The following GPC5 variants were observed in gnomAD, a reference collection of about 807,000 sequenced individuals.
The protein encoded by GPC5 is glypican-5.
In GPC5, 47 loss-of-function variants were observed where a neutral mutation model predicts 53.9. The observed-to-expected ratio is 0.87, with a 90% CI of 0.69 to 1.11. GPC5 has a LOEUF of 1.11. Among genes scored for constraint, GPC5 ranks in the 50% most tolerant of loss-of-function variants. The pLI, the probability that GPC5 is intolerant of heterozygous loss-of-function variation, is 0.00. For synonymous variants in GPC5, 286 were observed against 263.3 expected (o/e 1.09, Z -0.84); for missense variants, 748 against 713.1 (o/e 1.05, Z -0.56).
At chr13:91,563,676 A>G (rs1020641523) in intron 2 of GPC5, among the ~76,000 whole-genome samples, 35 of 152,150 alleles carry the variant, frequency 2.3e-4, no homozygotes, top group African/African-American at 8.4e-4. Context: ...TTTGATATCT[A>G]CATGTGAAAT....
At chr13:92,228,241 A>G (rs1255195040) in intron 7 of GPC5, among the ~76,000 whole-genome samples, 1 of 151,928 alleles carries the variant, frequency 6.6e-6, no homozygotes, top group African/African-American at 2.4e-5. Context: ...CGTGTTGTTC[A>G]CGAGCCAGCT....
intron 5 of GPC5, among the ~76,000 whole-genome samples, chr13:91,864,901 CTTT>C (rs71705146): frequency 7.2e-6 from 1 of 138,570 alleles, no homozygotes; most frequent in African/African-American, 2.6e-5. Flanking sequence ...AATTTTCTTT[CTTT>C]TTTTTTTTTT....
At chr13:91,585,209 A>G (rs2032517164) in intron 2 of GPC5, among the ~76,000 whole-genome samples, 1 of 152,212 alleles carries the variant, frequency 6.6e-6, no homozygotes, top group Non-Finnish European at 1.5e-5. Flanking sequence ...TGGTAGTAAC[A>G]TAGATTAGCA....
chr13:92,525,437 A>AGTT (rs1555286751), intron 7 of GPC5, among the ~76,000 whole-genome samples: 2 of 136,678 alleles, frequency 1.5e-5, no homozygotes, highest in East Asian at 4.6e-4. Context: ...GATAGATTCA[A>AGTT]GTGTGTGTGT....
At chr13:92,610,971 T>A (rs891083360) in intron 7 of GPC5, among the ~76,000 whole-genome samples, 6 of 150,630 alleles carry the variant, frequency 4.0e-5, no homozygotes, top group South Asian at 2.1e-4. Context: ...AATACATATT[T>A]TTTTTTTTTT....
intron 7 of GPC5, among the ~76,000 whole-genome samples, chr13:92,702,744 T>C (rs758573492): frequency 7.9e-5 from 12 of 152,194 alleles, no homozygotes; most frequent in Non-Finnish European, 1.6e-4. Context: ...TGCATGTCAC[T>C]TTTCTGCTCA....
At chr13:92,336,849 G>C (rs1426679851) in intron 7 of GPC5, among the ~76,000 whole-genome samples, 1 of 152,088 alleles carries the variant, frequency 6.6e-6, no homozygotes, top group East Asian at 1.9e-4. Flanking sequence ...TTTTAAAAAA[G>C]AGATGGGAAT....
chr13:91,891,334 G>A (rs945925578), intron 5 of GPC5, among the ~76,000 whole-genome samples: 23 of 152,142 alleles, frequency 1.5e-4, no homozygotes, highest in Admixed American at 5.2e-4. Flanking sequence ...GGCTTGCCAG[G>A]AAGTGACAGT....
chr13:92,350,202 C>A (rs1373208694), intron 7 of GPC5, among the ~76,000 whole-genome samples: 1 of 152,122 alleles, frequency 6.6e-6, no homozygotes, highest in Non-Finnish European at 1.5e-5. Context: ...GATAAAAACT[C>A]TCACCAAATT....
intron 1 of GPC5, among the ~76,000 whole-genome samples, chr13:91,446,801 C>G (rs997001964): frequency 6.6e-6 from 1 of 152,200 alleles, no homozygotes; most frequent in Non-Finnish European, 1.5e-5. Flanking sequence ...TGTGACCCAA[C>G]TCTAAATTAT....
chr13:92,435,570 G>A (rs1453468609), intron 7 of GPC5, among the ~76,000 whole-genome samples: 1 of 152,250 alleles, frequency 6.6e-6, no homozygotes, highest in South Asian at 2.1e-4. Flanking sequence ...GTGAGCAAAG[G>A]CTTTACAAAG....
intron 7 of GPC5, among the ~76,000 whole-genome samples, chr13:92,284,842 T>A (rs2042942351): frequency 6.6e-6 from 1 of 152,180 alleles, no homozygotes; most frequent in Admixed American, 6.5e-5. Flanking sequence ...AAGACAGGGA[T>A]GCCCTCTCTC....
At chr13:92,521,664 C>G (rs981851160) in intron 7 of GPC5, among the ~76,000 whole-genome samples, 7 of 152,036 alleles carry the variant, frequency 4.6e-5, no homozygotes, top group Admixed American at 4.6e-4. Flanking sequence ...GACCTAAAAC[C>G]ATAAAAACCC....
rs562624161 is a variant in GPC5 at position 91,584,071 on chromosome 13, G to T, written c.326-109116G>T. Among the ~76,000 whole-genome samples the T allele has an allele frequency of 2.0e-5, 3 of 152,208 alleles. No homozygotes were observed. In the East Asian group the frequency reaches 5.8e-4, roughly 29 times the overall value. ...TGTCCTTGTAAGAAGTGGAAATTGG[G>T]ACACATGCACAGAGGGAAGGCCATT... On this transcript the variant is annotated intron_variant, in intron 2 of 7. Coordinates refer to ENST00000377067, the MANE Select transcript of GPC5 (RefSeq NM_004466.6).
intron 2 of GPC5, among the ~76,000 whole-genome samples, chr13:91,593,244 C>T (rs1393383187): frequency 6.6e-6 from 1 of 152,162 alleles, no homozygotes; most frequent in Admixed American, 6.5e-5. Flanking sequence ...AGCCTCCTCC[C>T]TTCTCAGCCT....
At position 91,887,425 on chromosome 13, in the gene GPC5, C is replaced by T. The variant is rs146721574; in HGVS notation, c.1281-20512C>T. Among the ~76,000 whole-genome samples the T allele has an allele frequency of 5.4e-3, 819 of 152,306 alleles. 6 individuals are homozygous for T. Among genetic ancestry groups the T allele is most frequent in the African/African-American group, 0.019 (779 of 41,570 alleles). ...GTGAAGGTCTAACATGTCCTGGAGA[C>T]ATTTTCTCATTGTCCTGGTGATTAA... On this transcript the variant is annotated intron_variant, in intron 5 of 7. Coordinates refer to ENST00000377067, the MANE Select transcript of GPC5 (RefSeq NM_004466.6).
chr13:92,665,211 A>G (rs1886530268), intron 7 of GPC5, among the ~76,000 whole-genome samples: 1 of 152,196 alleles, frequency 6.6e-6, no homozygotes, highest in Non-Finnish European at 1.5e-5. Context: ...AAAATTAATG[A>G]AAAGAAAGAG....
intron 7 of GPC5, among the ~76,000 whole-genome samples, chr13:92,264,862 C>T (rs974615355): frequency 3.5e-5 from 4 of 113,558 alleles, no homozygotes; most frequent in African/African-American, 1.7e-4. Flanking sequence ...GGGTCTCTCT[C>T]TCTCTCTCTC....
intron 2 of GPC5, among the ~76,000 whole-genome samples, chr13:91,691,621 C>T (rs1330866850): frequency 3.3e-5 from 5 of 152,156 alleles, no homozygotes; most frequent in African/African-American, 9.7e-5. Context: ...AGGGTAGATG[C>T]ACCTTAATAT....
Sources: gnomAD v4.1 joint callset for allele counts (sites outside exome capture counted in the v4.1 genomes callset) on GRCh38, gnomAD v4.1.1 for gene constraint, MANE v1.5 for transcripts, NCBI Gene and HGNC (gene_info 2026-07-23, HGNC 2026-07-21) for gene names.